Variants in CD47 observed in about 807,000 individuals in gnomAD.
The protein encoded by CD47 is leukocyte surface antigen CD47.
In CD47, 11 loss-of-function variants were observed where a neutral mutation model predicts 44.6. That is an observed-to-expected ratio of 0.25 (90% CI 0.16 to 0.41). The LOEUF (loss-of-function observed/expected upper bound fraction) is 0.41, where lower values mean the gene tolerates loss of function less well. CD47 is among the 10% of genes least tolerant of loss of function. The probability of loss-of-function intolerance (pLI) is 1.00; values close to 1 mark genes in which losing one functional copy is unlikely to be tolerated. For synonymous variants in CD47, 140 were observed against 136.3 expected, an observed-to-expected ratio of 1.03 and a Z score of -0.19; for missense variants, 306 against 386.7, an observed-to-expected ratio of 0.79 and a Z score of 1.75.
At chr3:108,077,750 C>T (rs193115950) in intron 2 of CD47, among the ~76,000 whole-genome samples, 61 of 152,098 alleles carry the variant, frequency 4.0e-4, no homozygotes, top group Non-Finnish European at 5.0e-4. Flanking sequence ...TTGATAGATG[C>T]AAAAACTTGG....
intron 3 of CD47, 123 bp downstream of exon 3, chr3:108,070,969 AC>A (rs2079189901): frequency 1.8e-6 from 1 of 548,102 alleles, no homozygotes; most frequent in African/African-American, 1.9e-5. Flanking sequence ...TATTCAAATT[AC>A]ATACTCATAT....
chr3:108,079,585 A>C (rs1050140160), intron 2 of CD47, among the ~76,000 whole-genome samples: 8 of 137,900 alleles, frequency 5.8e-5, no homozygotes, highest in Non-Finnish European at 8.4e-5. Flanking sequence ...AAAAAAAAAA[A>C]AAAAAAAAAA....
intron 7 of CD47, among the ~76,000 whole-genome samples, chr3:108,056,690 C>A (rs1018202600): frequency 6.6e-6 from 1 of 152,006 alleles, no homozygotes; most frequent in Non-Finnish European, 1.5e-5. Flanking sequence ...TTATTGGGAA[C>A]ATCTTGAGCT....
intron 1 of CD47, among the ~76,000 whole-genome samples, chr3:108,088,943 C>A (rs1309957853): frequency 6.6e-6 from 1 of 152,066 alleles, no homozygotes; most frequent in Non-Finnish European, 1.5e-5. Flanking sequence ...TCCCTGATTC[C>A]CGGGGCTTAA....
At chr3:108,090,565 G>A (rs2079611911) in intron 1 of CD47, among the ~76,000 whole-genome samples, 1 of 152,208 alleles carries the variant, frequency 6.6e-6, no homozygotes, top group South Asian at 2.1e-4. Context: ...TGCGCGAGGT[G>A]CGCGGTTTGG....
intron 10 of CD47, among the ~76,000 whole-genome samples, chr3:108,048,371 G>GTTTT (rs146476512): frequency 4.6e-4 from 37 of 79,600 alleles, no homozygotes; most frequent in Non-Finnish European, 5.7e-4. Flanking sequence ...TGACTGGAGT[G>GTTTT]TTTTTTTTTT....
At chr3:108,079,081 T>C (rs1400254426) in intron 2 of CD47, among the ~76,000 whole-genome samples, 2 of 152,056 alleles carry the variant, frequency 1.3e-5, no homozygotes, top group Non-Finnish European at 2.9e-5. Flanking sequence ...TGGTAGTAGA[T>C]TATTTTATAA....
At chr3:108,065,335 G>A (rs1222825876) in intron 3 of CD47, among the ~76,000 whole-genome samples, 2 of 152,160 alleles carry the variant, frequency 1.3e-5, no homozygotes, top group Non-Finnish European at 2.9e-5. Context: ...GGAGAAGGTT[G>A]TGATGTCTGG....
In CD47 at chr3:108,047,161, G is replaced by T; in HGVS notation, c.*127C>A. On this transcript the variant is annotated 3_prime_UTR_variant, in exon 11 of 11. Coordinates refer to ENST00000361309, the MANE Select transcript of CD47 (RefSeq NM_001777.4). ...ACAATCACGTAAGGGTCTCATAGGT[G>T]ACAACCAGTTACTTTTCTTGTTTCT... 1.5e-6 allele frequency: 1 copy of T among 647,650 alleles called. No homozygotes were observed. The allele number at this position is 647,650 out of a possible 1,614,324, so 40.1% of individuals were successfully genotyped here.
At chr3:108,078,270 G>T (rs1309735107) in intron 2 of CD47, among the ~76,000 whole-genome samples, 1 of 151,966 alleles carries the variant, frequency 6.6e-6, no homozygotes, top group Non-Finnish European at 1.5e-5. Context: ...CCCAAAATAA[G>T]TCTAGTTTTT....
At chr3:108,081,741 G>T (rs951230815) in intron 1 of CD47, among the ~76,000 whole-genome samples, 1 of 151,912 alleles carries the variant, frequency 6.6e-6, no homozygotes, top group Non-Finnish European at 1.5e-5. Context: ...CATTAACATG[G>T]AAAACATAGC....
At chr3:108,063,071 C>T (rs1382435765) in intron 3 of CD47, among the ~76,000 whole-genome samples, 1 of 152,144 alleles carries the variant, frequency 6.6e-6, no homozygotes, top group Non-Finnish European at 1.5e-5. Flanking sequence ...AAAAATAAAA[C>T]ATCACAAAAT....
Position 108,071,180 on chromosome 3 carries a change from A to G in CD47, c.403T>C (p.Ser135Pro). The stretch of plus-strand genomic sequence containing the variant: ...ATATTTTCATTTGGAGAAAACCATG[A>G]AACTGGGGAAGAAGAAAACAAAAGT... ...TIIELKYRVVSWFSPNENILI... is the reference protein window; with the variant it reads ...TIIELKYRVVPWFSPNENILI... The change falls in exon 3 of 11, where the codon TCA becomes CCA. Residue 135 changes from serine to proline, a missense_variant and splice_region_variant. Ser to Pro is a moderately conservative substitution (Grantham distance 74). Around this residue, in one of 5 missense-constraint regions of CD47, gnomAD observed 65 missense variants for 119.9 expected, o/e 0.54. Transcript: ENST00000361309. 1 of 1,398,458 alleles carries G rather than the reference A, an allele frequency of 7.2e-7. No individual in the cohort carries two copies. Among genetic ancestry groups the G allele is most frequent in the Non-Finnish European group, 9.9e-7 (1 of 1,012,922 alleles). 86.6% of individuals were successfully genotyped at this position (1,398,458 alleles called of 1,614,324 possible).
At chr3:108,068,021 G>T (rs2079133720) in intron 3 of CD47, among the ~76,000 whole-genome samples, 1 of 152,188 alleles carries the variant, frequency 6.6e-6, no homozygotes, top group Non-Finnish European at 1.5e-5. Context: ...AAAAACCACT[G>T]AGAGAAATCC....
chr3:108,087,912 G>A (rs2108276227), intron 1 of CD47, among the ~76,000 whole-genome samples: 1 of 152,238 alleles, frequency 6.6e-6, no homozygotes, highest in East Asian at 1.9e-4. Flanking sequence ...TGGGTGCTCT[G>A]TATTTTCTAC....
intron 1 of CD47, among the ~76,000 whole-genome samples, chr3:108,084,052 G>C (rs773312453): frequency 1.2e-4 from 18 of 151,572 alleles, no homozygotes; most frequent in Non-Finnish European, 1.9e-4. Context: ...TGTTGTTTTT[G>C]TGTGTGTCTT....
chr3:108,048,343 A>G (rs2078754651), intron 10 of CD47, among the ~76,000 whole-genome samples: 1 of 143,902 alleles, frequency 6.9e-6, no homozygotes, highest in African/African-American at 2.6e-5. Context: ...GTTGTTTTAA[A>G]CTTTGTTCAC....
At position 108,090,870 on chromosome 3, in the gene CD47, C is replaced by T. The variant is rs546556464; in HGVS notation, c.39G>A (p.Ala13=). ...GAGCGAGGAGCCACTCACCGCAGCA[C>T]GCCGAGCCCAGCAACAGCGCCGCTA... ...PLVAALLLGS[A]CCGSAQLLFN... The change falls in exon 1 of 11, where the codon GCG becomes GCA. Residue 13 remains alanine, a synonymous_variant. Transcript: ENST00000361309. 180 of 1,493,562 alleles carry T rather than the reference C, an allele frequency of 1.2e-4. 1 individual carries two copies. In the Middle Eastern group the frequency reaches 4.5e-3, roughly 37 times the overall value. 92.5% of individuals were successfully genotyped at this position (1,493,562 alleles called of 1,614,324 possible).
At chr3:108,086,141 G>A (rs2079516757) in intron 1 of CD47, among the ~76,000 whole-genome samples, 2 of 151,878 alleles carry the variant, frequency 1.3e-5, no homozygotes, top group Admixed American at 6.6e-5. Context: ...TGAGCTCTAG[G>A]AAATGAGGTT....
Sources: allele counts gnomAD v4.1 joint callset (sites outside exome capture counted in the v4.1 genomes callset), GRCh38; gene constraint gnomAD v4.1.1; regional missense constraint gnomAD v4.1.1; transcripts MANE v1.5; gene names NCBI Gene and HGNC (gene_info 2026-07-23, HGNC 2026-07-21).